SOCS5: variants seen among roughly 807,000 people sequenced by gnomAD.
SOCS5 encodes suppressor of cytokine signaling 5.
Under a neutral mutation model 42.8 loss-of-function variants are expected in SOCS5, and 32 were observed. That is an observed-to-expected ratio of 0.75 (90% CI 0.56 to 1.01). SOCS5 has a LOEUF of 1.01. Among genes scored for constraint, SOCS5 ranks in the 50% least tolerant of loss-of-function variants. SOCS5 has a pLI of 0.00. For missense variants in SOCS5, 627 were observed against 653.0 expected, an observed-to-expected ratio of 0.96 and a Z score of 0.43; for synonymous variants, 283 against 229.6, an observed-to-expected ratio of 1.23 and a Z score of -2.10.
At chr2:46,732,080 A>G (rs544495906) in intron 1 of SOCS5, among the ~76,000 whole-genome samples, 1 of 152,298 alleles carries the variant, frequency 6.6e-6, no homozygotes, top group South Asian at 2.1e-4. Context: ...GTGTATTCCT[A>G]TGTTCAGGCT....
At position 46,760,443 on chromosome 2, in the gene SOCS5, A is replaced by G. The variant is rs1673841169; in HGVS notation, c.*302A>G. The G allele has an allele frequency of 7.1e-6, 2 of 281,352 alleles. No individual in the cohort carries two copies. The highest frequency in any genetic ancestry group is 2.0e-4 in the South Asian group (2 of 10,016). The allele number at this position is 281,352 out of a possible 1,614,324, so 17.4% of individuals were successfully genotyped here. A position where few individuals can be genotyped will look rare whatever the true frequency, so the allele number is the denominator to read the frequency against. On this transcript the variant is annotated 3_prime_UTR_variant, in exon 2 of 2. Coordinates refer to ENST00000394861, the MANE Select transcript of SOCS5 (RefSeq NM_144949.3). ...GGCAACTCTGGGGCATTTGTTATGA[A>G]GAATTCTATTTCTTACTGAAGAACA... is the stretch of plus-strand genomic sequence containing the variant.
intron 1 of SOCS5, among the ~76,000 whole-genome samples, chr2:46,743,720 A>T (rs972862312): frequency 2.0e-5 from 3 of 152,186 alleles, no homozygotes; most frequent in African/African-American, 7.2e-5. Context: ...ACATATGTAT[A>T]CTTGAACATT....
Position 46,712,139 on chromosome 2 carries a change from T to C in SOCS5, c.-13+12690T>C, listed in dbSNP as rs74596717. Among the ~76,000 whole-genome samples the C allele has an allele frequency of 2.7e-4, 41 of 152,304 alleles. 1 individual carries two copies. In the East Asian group the frequency reaches 7.7e-3, roughly 29 times the overall value. ...TTTGGAATTTTTATTAGGGTTGCAT[T>C]TGAATCTATGAATTGGAGAAAATTA... On this transcript the variant is annotated intron_variant, in intron 1 of 1. Transcript: ENST00000394861.
At chr2:46,738,476 A>T (rs192927209) in intron 1 of SOCS5, among the ~76,000 whole-genome samples, 1 of 152,326 alleles carries the variant, frequency 6.6e-6, no homozygotes, top group African/African-American at 2.4e-5. Context: ...CTGGTAAATA[A>T]CATTTCAAGT....
chr2:46,744,890 G>A (rs930804198), intron 1 of SOCS5, among the ~76,000 whole-genome samples: 5 of 149,504 alleles, frequency 3.3e-5, no homozygotes, highest in African/African-American at 1.2e-4. Flanking sequence ...TTAGTGCTTG[G>A]GAAATAGTTG....
rs778915403 is a variant in SOCS5, at chr2:46,759,453, C to A, written c.923C>A (p.Thr308Asn). ...KLGPKLAPGM[T>N]EISGDSSAIP... Reference sequence around the variant, plus strand: ...GGACCAAAATTAGCTCCTGGAATGACTGAAATAAGTGGGGACAGTTCTGCA... The same window carrying A: ...GGACCAAAATTAGCTCCTGGAATGAATGAAATAAGTGGGGACAGTTCTGCA... The change falls in exon 2 of 2, where the codon ACT becomes AAT. Residue 308 changes from threonine to asparagine, a missense_variant. Thr to Asn is a moderately conservative substitution (Grantham distance 65, BLOSUM62 0). Coordinates refer to ENST00000394861, the MANE Select transcript of SOCS5 (RefSeq NM_144949.3). 57 of 1,613,826 alleles carry A rather than the reference C, an allele frequency of 3.5e-5. No homozygotes were observed. The highest frequency in any genetic ancestry group is 4.7e-5 in the Non-Finnish European group (56 of 1,179,864).
intron 1 of SOCS5, among the ~76,000 whole-genome samples, chr2:46,716,594 T>C (rs1025637034): frequency 3.3e-5 from 5 of 152,050 alleles, no homozygotes; most frequent in African/African-American, 1.2e-4. Flanking sequence ...CCTCCTGCTT[T>C]AGCTTGCTGT....
At chr2:46,709,167 C>T (rs777194993) in intron 1 of SOCS5, among the ~76,000 whole-genome samples, 2 of 152,060 alleles carry the variant, frequency 1.3e-5, no homozygotes, top group Admixed American at 1.3e-4. Flanking sequence ...TACAGGCTTT[C>T]ACCTTCTTTA....
In SOCS5 at chr2:46,758,809, C is replaced by T. The variant is rs1673786947; in HGVS notation, c.279C>T (p.Ser93=). 1 of 1,614,154 alleles carries T rather than the reference C, an allele frequency of 6.2e-7. No homozygotes were observed. The highest frequency in any genetic ancestry group is 1.6e-4 in the Middle Eastern group (1 of 6,062). The part of the protein sequence containing the change: ...ATEIPQIVEI[S]IEKDNDSCVT... The stretch of plus-strand genomic sequence containing the variant: ...AAATCCCTCAAATTGTTGAAATAAG[C>T]ATCGAAAAGGATAATGATTCTTGTG... The change falls in exon 2 of 2, where the codon AGC becomes AGT. Residue 93 remains serine, a synonymous_variant. Transcript: ENST00000394861.
At chr2:46,755,678 CT>C (rs1209922324) in intron 1 of SOCS5, among the ~76,000 whole-genome samples, 1 of 152,074 alleles carries the variant, frequency 6.6e-6, no homozygotes, top group Admixed American at 6.6e-5. Flanking sequence ...AAATTTAACG[CT>C]TTTTTTAGCC....
intron 1 of SOCS5, among the ~76,000 whole-genome samples, chr2:46,724,103 A>G (rs1672942815): frequency 6.6e-6 from 1 of 151,950 alleles, no homozygotes; most frequent in African/African-American, 2.4e-5. Flanking sequence ...GTTGACCTGT[A>G]TCCTGTGACC....
chr2:46,738,095 G>A (rs752013427), intron 1 of SOCS5, among the ~76,000 whole-genome samples: 17 of 152,164 alleles, frequency 1.1e-4, no homozygotes, highest in Non-Finnish European at 1.8e-4. Flanking sequence ...GAATTGAATG[G>A]TAGAGGGCCA....
At chr2:46,722,394 T>A (rs1672904221) in intron 1 of SOCS5, among the ~76,000 whole-genome samples, 1 of 152,166 alleles carries the variant, frequency 6.6e-6, no homozygotes, top group Non-Finnish European at 1.5e-5. Context: ...TCATTCACAT[T>A]TAACTTGAGG....
rs1673826009 is a variant in SOCS5 at position 46,759,972 on chromosome 2, C to T, written c.1442C>T (p.Pro481Leu). ...LLTISLNRTF[P>L]FSLQYICRAV... The stretch of plus-strand genomic sequence containing the variant: ...ACTATATCACTAAATAGGACTTTCC[C>T]TTTTAGCCTGCAGTATATCTGTCGC... The change falls in exon 2 of 2, where the codon CCT (proline) becomes CTT (leucine). Residue 481 changes from proline (P) to leucine (L), a missense_variant. Coordinates refer to ENST00000394861, the MANE Select transcript of SOCS5 (RefSeq NM_144949.3). The T allele has an allele frequency of 6.2e-7, 1 of 1,614,032 alleles. No individual in the cohort carries two copies. The highest frequency in any genetic ancestry group is 8.5e-7 in the Non-Finnish European group (1 of 1,180,022).
At chr2:46,723,996 A>G (rs1672939786) in intron 1 of SOCS5, among the ~76,000 whole-genome samples, 1 of 151,938 alleles carries the variant, frequency 6.6e-6, no homozygotes, top group Non-Finnish European at 1.5e-5. Flanking sequence ...GTTAGATTTC[A>G]TATTTCATTA....
intron 1 of SOCS5, among the ~76,000 whole-genome samples, chr2:46,718,041 T>G (rs752171608): frequency 6.6e-6 from 1 of 152,162 alleles, no homozygotes; most frequent in Non-Finnish European, 1.5e-5. Context: ...CCAGCAACCT[T>G]AGTAGCCTCA....
At chr2:46,734,241 G>T (rs1673192188) in intron 1 of SOCS5, among the ~76,000 whole-genome samples, 1 of 152,164 alleles carries the variant, frequency 6.6e-6, no homozygotes, top group South Asian at 2.1e-4. Flanking sequence ...TACAGTCATT[G>T]CAGAAAATGA....
chr2:46,706,573 C>T (rs1272431597), intron 1 of SOCS5, among the ~76,000 whole-genome samples: 3 of 152,126 alleles, frequency 2.0e-5, no homozygotes, highest in South Asian at 4.1e-4. Flanking sequence ...TGACATTTCT[C>T]CCCTTGACTT....
intron 1 of SOCS5, among the ~76,000 whole-genome samples, chr2:46,736,342 T>A (rs1673245944): frequency 6.6e-6 from 1 of 152,118 alleles, no homozygotes; most frequent in South Asian, 2.1e-4. Context: ...CACACCTGGC[T>A]CATTTTAACC....
Sources: allele counts gnomAD v4.1 joint callset (sites outside exome capture counted in the v4.1 genomes callset), GRCh38; gene constraint gnomAD v4.1.1; transcripts MANE v1.5; gene names NCBI Gene and HGNC (gene_info 2026-07-23, HGNC 2026-07-21).